RPH3A: variants seen among roughly 807,000 people sequenced by gnomAD.
RPH3A encodes the protein rabphilin-3A.
In RPH3A, 48 loss-of-function variants were observed where a neutral mutation model predicts 102.2. The ratio of observed to expected loss-of-function variants is 0.47; its 90% confidence interval spans 0.37 to 0.60. The LOEUF (loss-of-function observed/expected upper bound fraction) is 0.60. Among genes scored for constraint, RPH3A ranks in the 20% least tolerant of loss-of-function variants. The probability of loss-of-function intolerance (pLI) is 0.00; values close to 1 mark genes in which losing one functional copy is unlikely to be tolerated. For missense variants in RPH3A, 781 were observed against 910.1 expected, an observed-to-expected ratio of 0.86 and a Z score of 1.83; for synonymous variants, 310 against 324.3, an observed-to-expected ratio of 0.96 and a Z score of 0.47.
intron 1 of RPH3A, among the ~76,000 whole-genome samples, chr12:112,758,817 T>C (rs1002125336): frequency 6.6e-6 from 1 of 152,190 alleles, no homozygotes; most frequent in African/African-American, 2.4e-5. Flanking sequence ...GGCTCTCTCT[T>C]CTGTTTTATA....
At chr12:112,867,954 G>A (rs2042639901) in intron 7 of RPH3A, among the ~76,000 whole-genome samples, 1 of 152,174 alleles carries the variant, frequency 6.6e-6, no homozygotes, top group South Asian at 2.1e-4. Flanking sequence ...AATCTGACGG[G>A]GCAATGGAAG....
intron 1 of RPH3A, among the ~76,000 whole-genome samples, chr12:112,744,089 T>C (rs372325644): frequency 1.3e-5 from 2 of 152,118 alleles, no homozygotes; most frequent in South Asian, 4.1e-4. Context: ...TCTTTCTTTT[T>C]TTCCAAGACA....
chr12:112,868,810 C>T (rs911554870), intron 8 of RPH3A: 4 of 479,890 alleles, frequency 8.3e-6, no homozygotes, highest in African/African-American at 3.8e-5. Context: ...TGCCAAGCCG[C>T]CCAGAGGCTT....
intron 1 of RPH3A, among the ~76,000 whole-genome samples, chr12:112,592,477 C>T (rs1467631195): frequency 2.6e-5 from 4 of 152,058 alleles, no homozygotes; most frequent in Admixed American, 1.3e-4. Flanking sequence ...CGCCACCATG[C>T]CTGGTTAATT....
chr12:112,763,740 G>A (rs1168921277), intron 1 of RPH3A, among the ~76,000 whole-genome samples: 1 of 152,158 alleles, frequency 6.6e-6, no homozygotes, highest in Non-Finnish European at 1.5e-5. Context: ...AGAGGGAGGA[G>A]GGTATAATGA....
chr12:112,857,080 T>A (rs2042423519), intron 5 of RPH3A, among the ~76,000 whole-genome samples: 3 of 152,306 alleles, frequency 2.0e-5, no homozygotes, highest in Admixed American at 2.0e-4. Context: ...TGTGTTGGCA[T>A]GCCTGTGTAT....
intron 1 of RPH3A, among the ~76,000 whole-genome samples, chr12:112,770,218 T>A (rs555505363): frequency 2.6e-5 from 4 of 152,358 alleles, no homozygotes; most frequent in African/African-American, 9.6e-5. Context: ...GTAATGAACA[T>A]CTTTGTTCCA....
intron 1 of RPH3A, among the ~76,000 whole-genome samples, chr12:112,768,828 T>C (rs1196757913): frequency 6.6e-6 from 1 of 152,116 alleles, no homozygotes; most frequent in East Asian, 1.9e-4. Flanking sequence ...GGGAAGGTCA[T>C]TTGAGCCCAG....
In RPH3A at chr12:112,860,580, T is replaced by C. The variant is rs556449067; in HGVS notation, c.231-4834T>C. The stretch of plus-strand genomic sequence containing the variant: ...GGAAGAGGCAGAAAACCCTTTTAAG[T>C]TTCCTTAAAGCACACTGCGGTTTAG... On this transcript the variant is annotated intron_variant, in intron 5 of 21. Coordinates refer to ENST00000389385, the MANE Select transcript of RPH3A (RefSeq NM_001143854.2). Among the ~76,000 whole-genome samples the C allele has an allele frequency of 7.2e-5, 11 of 152,310 alleles. No individual in the cohort carries two copies. The South Asian group carries it at 2.3e-3, about 32-fold the overall frequency.
chr12:112,895,595 G>A (rs754948499), intron 20 of RPH3A, 182 bp from the exon 21 acceptor site: 15 of 561,034 alleles, frequency 2.7e-5, no homozygotes, highest in Non-Finnish European at 3.6e-5. Flanking sequence ...TACACAGAGT[G>A]TTTGTTGGAA....
intron 1 of RPH3A, among the ~76,000 whole-genome samples, chr12:112,656,067 G>T (rs915619466): frequency 1.3e-5 from 2 of 151,974 alleles, no homozygotes; most frequent in Admixed American, 1.3e-4. Flanking sequence ...ATTAGCTGTC[G>T]ATTTTGTGCA....
intron 1 of RPH3A, among the ~76,000 whole-genome samples, chr12:112,588,596 A>G (rs955467699): frequency 2.0e-5 from 3 of 152,204 alleles, no homozygotes; most frequent in Non-Finnish European, 2.9e-5. Flanking sequence ...TCATATCAAT[A>G]TATAAAGTCA....
At position 112,724,803 on chromosome 12, in the gene RPH3A, T is replaced by C. The variant is rs1015068557; in HGVS notation, c.-139-67340T>C. Reference sequence around the variant, plus strand: ...GGACAATATGGTGAAACCCTGTCTCTACTAAAAATACAAAAATTAGCCAGG... The same window carrying C: ...GGACAATATGGTGAAACCCTGTCTCCACTAAAAATACAAAAATTAGCCAGG... On this transcript the variant is annotated intron_variant, in intron 1 of 21. Coordinates refer to the RPH3A transcript ENST00000543106. 9.2e-5 allele frequency among the ~76,000 whole-genome samples: 14 copies of C among 152,114 alleles called. 1 individual carries two copies. The South Asian group carries it at 2.7e-3, about 29-fold the overall frequency.
intron 2 of RPH3A, among the ~76,000 whole-genome samples, chr12:112,805,915 A>G (rs2041452337): frequency 6.6e-6 from 1 of 152,208 alleles, no homozygotes; most frequent in South Asian, 2.1e-4. Flanking sequence ...TAAAATGATG[A>G]ATCTGTCTCT....
intron 5 of RPH3A, among the ~76,000 whole-genome samples, chr12:112,849,910 G>C (rs1290567884): frequency 1.3e-5 from 2 of 152,218 alleles, no homozygotes; most frequent in African/African-American, 4.8e-5. Context: ...GCCAAGCCCA[G>C]TTGTATCAAC....
At chr12:112,886,208 A>G (rs1298341913) in intron 16 of RPH3A, among the ~76,000 whole-genome samples, 1 of 152,088 alleles carries the variant, frequency 6.6e-6, no homozygotes, top group African/African-American at 2.4e-5. Flanking sequence ...CTTGCAGGAC[A>G]ATAAGCCCTT....
In RPH3A at chr12:112,895,787, A is replaced by G; in HGVS notation, c.1868A>G (p.Tyr623Cys). 6.2e-7 allele frequency: 1 copy of G among 1,613,352 alleles called. No homozygotes were observed. The highest frequency in any genetic ancestry group is 8.5e-7 in the Non-Finnish European group (1 of 1,179,318). Residue 623 changes from tyrosine (Y) to cysteine (C), a missense_variant, in exon 21 of 22, where the codon TAT (tyrosine) becomes TGT (cysteine). Around this residue, in one of 2 missense-constraint regions of RPH3A, gnomAD observed 51 missense variants for 100.1 expected, o/e 0.51. Coordinates refer to ENST00000389385, the MANE Select transcript of RPH3A (RefSeq NM_001143854.2). Reference sequence around the variant, plus strand: ...CTCTGTTGTATTCAGGAGTTTTTCTATGACATCAAACACAGTGACCTGGCA... The same window carrying G: ...CTCTGTTGTATTCAGGAGTTTTTCTGTGACATCAAACACAGTGACCTGGCA... Reference protein sequence around the residue: ...LNPEFNEEFFYDIKHSDLAKK... With the variant: ...LNPEFNEEFFCDIKHSDLAKK...
At chr12:112,848,715 G>C (rs927415322) in intron 5 of RPH3A, among the ~76,000 whole-genome samples, 1 of 152,156 alleles carries the variant, frequency 6.6e-6, no homozygotes, top group Non-Finnish European at 1.5e-5. Context: ...AGGCTTATAA[G>C]AAGGATGTGT....
chr12:112,682,096 G>A (rs1233728658), intron 1 of RPH3A, among the ~76,000 whole-genome samples: 1 of 152,154 alleles, frequency 6.6e-6, no homozygotes, highest in Non-Finnish European at 1.5e-5. Flanking sequence ...GTGAATGTAG[G>A]TTGTATTAAT....
Sources: allele counts gnomAD v4.1 joint callset (sites outside exome capture counted in the v4.1 genomes callset), GRCh38; gene constraint gnomAD v4.1.1; regional missense constraint gnomAD v4.1.1; transcripts MANE v1.5; gene names NCBI Gene and HGNC (gene_info 2026-07-23, HGNC 2026-07-21).